MYO5B: variants seen among roughly 807,000 people sequenced by gnomAD.
MYO5B encodes unconventional myosin-Vb.
In MYO5B, 143 loss-of-function variants were observed where a neutral mutation model predicts 229.3. The ratio of observed to expected loss-of-function variants is 0.62; its 90% CI spans 0.54 to 0.72. The LOEUF (loss-of-function observed/expected upper bound fraction) is 0.72. Ranked by LOEUF, MYO5B falls within the 30% of genes least tolerant of loss-of-function variation. The probability of loss-of-function intolerance (pLI) is 0.00; values close to 1 mark genes in which losing one functional copy is unlikely to be tolerated. For synonymous variants in MYO5B, 918 were observed against 885.2 expected (o/e 1.04, Z -0.66); for missense variants, 2,321 against 2,331.0 (o/e 1.00, Z 0.09).
At chr18:49,965,522 C>T (rs140488844) in intron 10 of MYO5B, among the ~76,000 whole-genome samples, 8 of 151,800 alleles carry the variant, frequency 5.3e-5, no homozygotes, top group Non-Finnish European at 1.0e-4. Flanking sequence ...ACCAAATGGA[C>T]GGCAGTGGCC....
intron 1 of MYO5B, among the ~76,000 whole-genome samples, chr18:50,128,577 T>A (rs570113640): frequency 1.3e-5 from 2 of 152,132 alleles, no homozygotes; most frequent in African/African-American, 4.8e-5. Context: ...TGACAGGAAG[T>A]CTCTCGTGCC....
intron 39 of MYO5B, 107 bp downstream of exon 39, chr18:49,835,237 T>C (rs1272051127): frequency 6.2e-6 from 5 of 811,162 alleles, no homozygotes; most frequent in Non-Finnish European, 1.1e-5. Context: ...CCAGCATATA[T>C]GTAACCAGTA....
intron 16 of MYO5B, among the ~76,000 whole-genome samples, chr18:49,931,858 C>T (rs6507957): frequency 0.61 from 92,694 of 151,970 alleles, 28,509 homozygotes; most frequent in East Asian, 0.68. Flanking sequence ...CATCCTGTGG[C>T]CTGCAGACCA....
At chr18:49,875,624 A>T in intron 26 of MYO5B, 63 bp downstream of exon 26, 1 of 1,607,856 alleles carries the variant, frequency 6.2e-7, no homozygotes, top group East Asian at 2.2e-5. Flanking sequence ...TGAGCCCTGG[A>T]CACAAGAGCT....
Position 49,918,782 on chromosome 18 carries a change from G to A in MYO5B, c.2091-6609C>T, listed in dbSNP as rs149361414. On this transcript the variant is annotated intron_variant, in intron 17 of 39. Coordinates refer to ENST00000285039, the MANE Select transcript of MYO5B (RefSeq NM_001080467.3). ...TGGATCATCTTCATTATGCCACCAA[G>A]CAACATACACTTCTTTTCCTTTTTG... Among the ~76,000 whole-genome samples the A allele has an allele frequency of 2.2e-4, 34 of 152,312 alleles. No homozygotes were observed. In the South Asian group the frequency reaches 6.8e-3, roughly 31 times the overall value.
At chr18:49,832,167 G>A (rs534428515) in intron 39 of MYO5B, among the ~76,000 whole-genome samples, 6 of 152,234 alleles carry the variant, frequency 3.9e-5, no homozygotes, top group East Asian at 1.9e-4. Flanking sequence ...TTAATGCCAC[G>A]GAACTATACA....
At chr18:50,128,783 C>T (rs555061002) in intron 1 of MYO5B, among the ~76,000 whole-genome samples, 34 of 152,138 alleles carry the variant, frequency 2.2e-4, no homozygotes, top group Non-Finnish European at 3.4e-4. Context: ...CTGTGACATG[C>T]GTACCAGAAG....
intron 9 of MYO5B, among the ~76,000 whole-genome samples, chr18:49,976,219 A>G (rs2025749125): frequency 6.6e-6 from 1 of 152,194 alleles, no homozygotes; most frequent in African/African-American, 2.4e-5. Flanking sequence ...GATGAGGCTG[A>G]CTTGTAGGAT....
intron 17 of MYO5B, among the ~76,000 whole-genome samples, chr18:49,917,979 A>G (rs2025035078): frequency 6.6e-6 from 1 of 152,188 alleles, no homozygotes; most frequent in Non-Finnish European, 1.5e-5. Context: ...ACAAAGGCCA[A>G]TATGGGATGG....
intron 5 of MYO5B, 96 bp from the exon 6 acceptor site, chr18:49,992,527 C>A: frequency 6.4e-7 from 1 of 1,553,780 alleles, no homozygotes; most frequent in African/African-American, 1.4e-5. Flanking sequence ...CCTTTCTCTT[C>A]CTTACTTACA....
At chr18:49,826,714 T>C (rs1716866227) in intron 39 of MYO5B, 91 bp from the exon 40 acceptor site, 1 of 1,451,160 alleles carries the variant, frequency 6.9e-7, no homozygotes, top group Non-Finnish European at 9.7e-7. Flanking sequence ...GCATATATCA[T>C]GGAAAGATTT....
At chr18:49,839,327 T>C (rs759236582) in intron 35 of MYO5B, 33 bp from the exon 36 acceptor site, 1 of 1,609,636 alleles carries the variant, frequency 6.2e-7, no homozygotes, top group East Asian at 2.2e-5. Context: ...TACTGAGTTC[T>C]CTGGTCTGCT....
chr18:50,025,986 T>A (rs1022699256), intron 4 of MYO5B, among the ~76,000 whole-genome samples: 1 of 152,228 alleles, frequency 6.6e-6, no homozygotes, highest in African/African-American at 2.4e-5. Flanking sequence ...ATAAAACATA[T>A]ACAAATGATA....
At chr18:50,148,227 G>A (rs577865948) in intron 1 of MYO5B, among the ~76,000 whole-genome samples, 164 of 150,428 alleles carry the variant, frequency 1.1e-3, no homozygotes, top group Non-Finnish European at 2.1e-3. Flanking sequence ...AGGACCAGAT[G>A]GATTCACAGC....
At chr18:49,887,383 T>C (rs2024655413) in intron 22 of MYO5B, among the ~76,000 whole-genome samples, 2 of 152,104 alleles carry the variant, frequency 1.3e-5, no homozygotes, top group South Asian at 2.1e-4. Flanking sequence ...GTGAGCCATC[T>C]AGATATTAGG....
At chr18:50,127,984 T>C (rs2032193043) in intron 1 of MYO5B, among the ~76,000 whole-genome samples, 1 of 152,250 alleles carries the variant, frequency 6.6e-6, no homozygotes, top group African/African-American at 2.4e-5. Context: ...TCAAGCCTGC[T>C]GGCTTTTGGA....
intron 17 of MYO5B, among the ~76,000 whole-genome samples, chr18:49,925,921 A>G (rs1235011): frequency 0.67 from 101,462 of 152,094 alleles, 34,156 homozygotes; most frequent in African/African-American, 0.75. Context: ...TCAAAAGGCC[A>G]ATGTAGGAGA....
intron 4 of MYO5B, among the ~76,000 whole-genome samples, chr18:50,007,766 C>T (rs1403042924): frequency 2.0e-5 from 3 of 152,188 alleles, no homozygotes; most frequent in East Asian, 1.9e-4. Flanking sequence ...GGCAGCTCAT[C>T]GATAACTGCT....
At chr18:50,145,530 A>G (rs1396227020) in intron 1 of MYO5B, among the ~76,000 whole-genome samples, 1 of 134,340 alleles carries the variant, frequency 7.4e-6, no homozygotes, top group African/African-American at 2.8e-5. Flanking sequence ...AAAAAAAAAA[A>G]AAAAAAAATT....
Sources: allele counts gnomAD v4.1 joint callset (sites outside exome capture counted in the v4.1 genomes callset), GRCh38; gene constraint gnomAD v4.1.1; transcripts MANE v1.5; gene names NCBI Gene and HGNC (gene_info 2026-07-23, HGNC 2026-07-21).